SPIN1: variants seen among roughly 807,000 people sequenced by gnomAD.
SPIN1 encodes spindlin 1.
A neutral mutation model predicts 26.0 loss-of-function variants in SPIN1; 3 were observed. The observed-to-expected ratio is 0.12, with a 90% CI of 0.05 to 0.30. The LOEUF (loss-of-function observed/expected upper bound fraction) is 0.30, where lower values mean the gene tolerates loss of function less well. Among genes scored for constraint, SPIN1 ranks in the 10% least tolerant of loss-of-function variants. The pLI, the probability that SPIN1 is intolerant of heterozygous loss-of-function variation, is 1.00. For synonymous variants in SPIN1, 101 were observed against 116.5 expected (o/e 0.87, Z 0.86); for missense variants, 126 against 333.4 (o/e 0.38, Z 4.84).
chr9:88,456,888 C>T lies in SPIN1; in HGVS notation c.102-5608C>T, dbSNP rs569695636. On this transcript the variant is annotated intron_variant, in intron 3 of 5. Transcript: ENST00000375859. ...AGAATCAGGAAAAAATGAAACTTAT[C>T]TTCAGATATCAGAAAGCATGTTCAT... Among the ~76,000 whole-genome samples the T allele has an allele frequency of 9.9e-5, 15 of 152,210 alleles. No individual in the cohort carries two copies. The South Asian group carries it at 2.5e-3, about 25-fold the overall frequency.
intron 1 of SPIN1, among the ~76,000 whole-genome samples, chr9:88,400,155 C>T (rs1211055370): frequency 6.6e-6 from 1 of 152,132 alleles, no homozygotes; most frequent in Non-Finnish European, 1.5e-5. Context: ...CAGAATCTGC[C>T]CTGTAATCCT....
chr9:88,425,660 C>G (rs905977476), intron 1 of SPIN1, among the ~76,000 whole-genome samples: 1 of 148,100 alleles, frequency 6.8e-6, no homozygotes, highest in Non-Finnish European at 1.5e-5. Flanking sequence ...GGCGACACAG[C>G]GAGACTCTGT....
chr9:88,471,707 G>T (rs553872316), intron 5 of SPIN1, among the ~76,000 whole-genome samples: 1 of 151,630 alleles, frequency 6.6e-6, no homozygotes, highest in Non-Finnish European at 1.5e-5. Context: ...AGATACGTGG[G>T]TGTGTTTCTG....
In SPIN1 at chr9:88,408,839, A is replaced by G. The variant is rs377664451; in HGVS notation, c.-158-17543A>G. On this transcript the variant is annotated intron_variant, in intron 1 of 5. Transcript: ENST00000375859. ...CAGGCACCTGCCACCATGCCTGGCT[A>G]ATTTTTAGTAGAGACGGGGTTTCAC... Among the ~76,000 whole-genome samples the G allele has an allele frequency of 1.3e-3, 191 of 149,554 alleles. 5 individuals are homozygous for G. The South Asian group carries it at 0.037, about 29-fold the overall frequency.
intron 2 of SPIN1, among the ~76,000 whole-genome samples, chr9:88,443,929 T>C (rs577970926): frequency 8.3e-6 from 1 of 120,284 alleles, no homozygotes; most frequent in East Asian, 2.0e-4. Context: ...TTGTCAGACC[T>C]GCCCATGCTG....
intron 1 of SPIN1, among the ~76,000 whole-genome samples, chr9:88,409,175 A>C (rs983578544): frequency 6.7e-6 from 1 of 149,178 alleles, no homozygotes; most frequent in South Asian, 2.1e-4. Flanking sequence ...TTGTATTTTT[A>C]GTAGAGATGG....
At chr9:88,412,194 C>G (rs551983068) in intron 1 of SPIN1, among the ~76,000 whole-genome samples, 6 of 151,938 alleles carry the variant, frequency 3.9e-5, no homozygotes, top group South Asian at 4.2e-4. Context: ...AAAACAAAAA[C>G]CTTTTGTTTC....
intron 1 of SPIN1, among the ~76,000 whole-genome samples, chr9:88,402,526 T>TA (rs1470863100): frequency 1.3e-5 from 2 of 151,866 alleles, no homozygotes; most frequent in East Asian, 1.9e-4. Flanking sequence ...TTTTTTTTTT[T>TA]TATAGCTCCC....
At chr9:88,438,099 C>G (rs1489145549) in intron 2 of SPIN1, among the ~76,000 whole-genome samples, 2 of 151,102 alleles carry the variant, frequency 1.3e-5, no homozygotes, top group South Asian at 2.1e-4. Flanking sequence ...TGCAGTGCAT[C>G]GAGATCATGC....
At chr9:88,418,264 T>A (rs1827606446) in intron 1 of SPIN1, among the ~76,000 whole-genome samples, 1 of 152,184 alleles carries the variant, frequency 6.6e-6, no homozygotes, top group Non-Finnish European at 1.5e-5. Context: ...CCATCAGACA[T>A]CATTCATCTC....
At chr9:88,405,262 T>G (rs745760025) in intron 1 of SPIN1, among the ~76,000 whole-genome samples, 47 of 152,310 alleles carry the variant, frequency 3.1e-4, no homozygotes, top group Non-Finnish European at 6.0e-4. Flanking sequence ...AGGGTCTCGC[T>G]CTGTCTCCCA....
intron 1 of SPIN1, among the ~76,000 whole-genome samples, chr9:88,392,074 C>T (rs1001079726): frequency 1.3e-5 from 2 of 152,198 alleles, no homozygotes; most frequent in Admixed American, 1.3e-4. Flanking sequence ...CTGAGAATTA[C>T]ATGAAATGGA....
At chr9:88,472,975 A>G (rs927816227) in intron 5 of SPIN1, among the ~76,000 whole-genome samples, 10 of 152,170 alleles carry the variant, frequency 6.6e-5, no homozygotes, top group African/African-American at 2.4e-4. Flanking sequence ...GGCCCTCTCC[A>G]TACATTAGCC....
At chr9:88,416,230 A>G (rs1276817143) in intron 1 of SPIN1, among the ~76,000 whole-genome samples, 3 of 152,204 alleles carry the variant, frequency 2.0e-5, no homozygotes, top group Admixed American at 6.5e-5. Context: ...CTCAACATCT[A>G]CATTCAGGAA....
chr9:88,465,241 T>C (rs1006935081), intron 4 of SPIN1, among the ~76,000 whole-genome samples: 2 of 152,248 alleles, frequency 1.3e-5, no homozygotes, highest in African/African-American at 4.8e-5. Flanking sequence ...AACATGGATA[T>C]GCAGATATTT....
intron 2 of SPIN1, among the ~76,000 whole-genome samples, chr9:88,445,118 G>A (rs1030279410): frequency 6.6e-6 from 1 of 152,244 alleles, no homozygotes; most frequent in South Asian, 2.1e-4. Context: ...AGTACATCCA[G>A]TGTGGGGTTG....
At chr9:88,442,259 CTG>C (rs753402968) in intron 2 of SPIN1, among the ~76,000 whole-genome samples, 15 of 151,866 alleles carry the variant, frequency 9.9e-5, no homozygotes, top group Non-Finnish European at 2.2e-4. Context: ...GGATATAAAA[CTG>C]TAAGTTAGTA....
intron 4 of SPIN1, among the ~76,000 whole-genome samples, chr9:88,467,796 T>C (rs1448203999): frequency 6.7e-6 from 1 of 148,330 alleles, no homozygotes; most frequent in Non-Finnish European, 1.5e-5. Flanking sequence ...ACCTATGCCT[T>C]AATAAAAAAA....
intron 1 of SPIN1, among the ~76,000 whole-genome samples, chr9:88,402,482 A>G (rs1464347804): frequency 1.4e-5 from 2 of 141,352 alleles, no homozygotes; most frequent in Non-Finnish European, 3.1e-5. Context: ...GATACCTGTT[A>G]TTGTATTTTC....
Sources: gnomAD v4.1 joint callset for allele counts (sites outside exome capture counted in the v4.1 genomes callset) on GRCh38, gnomAD v4.1.1 for gene constraint, MANE v1.5 for transcripts, NCBI Gene and HGNC (gene_info 2026-07-23, HGNC 2026-07-21) for gene names.